The following PHF2 variants were observed in gnomAD, a reference collection of about 807,000 sequenced individuals.
The protein encoded by PHF2 is lysine-specific demethylase PHF2.
A neutral mutation model predicts 120.5 loss-of-function variants in PHF2; 27 were observed. The observed-to-expected ratio is 0.22, with a 90% CI of 0.17 to 0.31. The LOEUF is 0.31. Among genes scored for constraint, PHF2 ranks in the 10% least tolerant of loss-of-function variants. PHF2 has a pLI of 1.00. For missense variants in PHF2, 1,024 were observed against 1,434.8 expected (o/e 0.71, Z 4.63); for synonymous variants, 568 against 592.5 (o/e 0.96, Z 0.60).
At chr9:93,638,552 A>G (rs1015801984) in intron 3 of PHF2, among the ~76,000 whole-genome samples, 10 of 152,212 alleles carry the variant, frequency 6.6e-5, no homozygotes, top group African/African-American at 2.2e-4. Context: ...GCTAGTAAAC[A>G]GTCTTGGCAC....
intron 1 of PHF2, among the ~76,000 whole-genome samples, chr9:93,624,028 C>A (rs1454333941): frequency 4.6e-5 from 7 of 152,210 alleles, no homozygotes; most frequent in Admixed American, 2.6e-4. Context: ...TGTAAATGCC[C>A]CAAGGGCAAG....
At chr9:93,659,420 C>A in intron 10 of PHF2, 91 bp from the exon 11 acceptor site, 1 of 1,027,830 alleles carries the variant, frequency 9.7e-7, no homozygotes, top group Non-Finnish European at 1.5e-6. Context: ...CTGAGTGGCT[C>A]GGCAGTCAGG....
intron 1 of PHF2, among the ~76,000 whole-genome samples, chr9:93,579,224 C>G (rs947326873): frequency 3.3e-5 from 5 of 152,158 alleles, no homozygotes; most frequent in Admixed American, 1.3e-4. Flanking sequence ...TGTATGGCCC[C>G]GGTGGTTCTT....
intron 17 of PHF2, among the ~76,000 whole-genome samples, chr9:93,671,417 T>A (rs1361112126): frequency 1.9e-5 from 2 of 103,286 alleles, no homozygotes; most frequent in Non-Finnish European, 3.9e-5. Context: ...GGTGTGGATG[T>A]AGGTACAGGT....
chr9:93,587,703 T>A (rs1403905749), intron 1 of PHF2, among the ~76,000 whole-genome samples: 1 of 152,106 alleles, frequency 6.6e-6, no homozygotes, highest in Admixed American at 6.5e-5. Context: ...GCTCCCCCAG[T>A]GCCAGTTGGA....
At chr9:93,646,727 C>T (rs1391790590) in intron 4 of PHF2, among the ~76,000 whole-genome samples, 4 of 152,154 alleles carry the variant, frequency 2.6e-5, no homozygotes, top group African/African-American at 9.7e-5. Flanking sequence ...GGGGCTGGGG[C>T]CACAGCTTTT....
At chr9:93,596,815 A>G (rs1825341717) in intron 1 of PHF2, among the ~76,000 whole-genome samples, 2 of 151,434 alleles carry the variant, frequency 1.3e-5, no homozygotes, top group African/African-American at 2.4e-5. Flanking sequence ...CTGGAGTGCA[A>G]TGGTGCAATC....
intron 7 of PHF2, among the ~76,000 whole-genome samples, chr9:93,654,992 C>T (rs996769029): frequency 9.2e-5 from 14 of 152,284 alleles, no homozygotes; most frequent in African/African-American, 3.1e-4. Context: ...GGGAGGAGGG[C>T]GCTAGCTGCT....
chr9:93,674,153 G>A lies in PHF2; in HGVS notation c.2626+291G>A, dbSNP rs188335798. Among the ~76,000 whole-genome samples the A allele has an allele frequency of 6.8e-4, 104 of 152,230 alleles. No homozygotes were observed. In the East Asian group the frequency reaches 7.4e-3, roughly 11 times the overall value. On this transcript the variant is annotated intron_variant, in intron 18 of 21. Coordinates refer to ENST00000359246, the MANE Select transcript of PHF2 (RefSeq NM_005392.4). ...CTGGGCTCTGGAGGTGTGTGGCACC[G>A]GGCGCCATCTTGCTTCCTCCTGAAC...
chr9:93,660,609 A>G (rs909087858), intron 12 of PHF2, 49 bp downstream of exon 12: 1 of 1,489,062 alleles, frequency 6.7e-7, no homozygotes, highest in South Asian at 1.4e-5. Flanking sequence ...GAGGTGCTGC[A>G]GCATCTCTTG....
At chr9:93,633,910 G>A (rs1218080461) in intron 2 of PHF2, among the ~76,000 whole-genome samples, 1 of 152,118 alleles carries the variant, frequency 6.6e-6, no homozygotes, top group African/African-American at 2.4e-5. Context: ...TCCTCAGCCA[G>A]CCCTGAGGCC....
intron 1 of PHF2, among the ~76,000 whole-genome samples, chr9:93,603,119 G>A (rs1385186787): frequency 1.3e-5 from 2 of 152,200 alleles, no homozygotes; most frequent in East Asian, 1.9e-4. Flanking sequence ...GGATGATCAC[G>A]TTCATGCCAT....
chr9:93,583,727 A>G (rs567840406), intron 1 of PHF2, among the ~76,000 whole-genome samples: 1 of 152,198 alleles, frequency 6.6e-6, no homozygotes, highest in African/African-American at 2.4e-5. Flanking sequence ...TGTCTACTCA[A>G]GGCCTTTGCC....
At chr9:93,667,269 G>C (rs749782485) in intron 17 of PHF2, 29 bp downstream of exon 17, 10 of 1,597,296 alleles carry the variant, frequency 6.3e-6, no homozygotes, top group South Asian at 1.1e-5. Flanking sequence ...CAGCACCCAA[G>C]AGCGGGGACC....
In PHF2 at chr9:93,676,736, C is replaced by A; in HGVS notation, c.2975C>A (p.Thr992Asn). ...TPASTTPAST[T>N]PASTSTASSQ... ...GCCTCTACCACCCCGGCCTCCACCA[C>A]CCCGGCCTCCACCAGCACGGCCAGC... The change falls in exon 21 of 22, where the codon ACC becomes AAC. Residue 992 changes from threonine to asparagine, a missense_variant. By Grantham distance (65) the Thr-to-Asn change is moderately conservative (BLOSUM62 0). Around this residue, in one of 2 missense-constraint regions of PHF2, gnomAD observed 677 missense variants for 857.4 expected, o/e 0.79. Coordinates refer to ENST00000359246, the MANE Select transcript of PHF2 (RefSeq NM_005392.4). 6.4e-7 allele frequency: 1 copy of A among 1,556,930 alleles called. No homozygotes were observed.
At chr9:93,606,841 A>G (rs1488910271) in intron 1 of PHF2, among the ~76,000 whole-genome samples, 1 of 152,084 alleles carries the variant, frequency 6.6e-6, no homozygotes, top group Non-Finnish European at 1.5e-5. Flanking sequence ...TTTTACATTT[A>G]GGTCTATGAT....
intron 2 of PHF2, among the ~76,000 whole-genome samples, chr9:93,633,049 G>T (rs1160269386): frequency 6.6e-6 from 1 of 152,198 alleles, no homozygotes; most frequent in Non-Finnish European, 1.5e-5. Flanking sequence ...CTAAGCCAGT[G>T]CTGGGAACCT....
intron 1 of PHF2, among the ~76,000 whole-genome samples, chr9:93,586,418 A>T (rs1863045140): frequency 1.3e-5 from 2 of 152,240 alleles, no homozygotes; most frequent in Admixed American, 6.5e-5. Context: ...GCACTTCTGG[A>T]TGCCACCCTG....
intron 4 of PHF2, among the ~76,000 whole-genome samples, chr9:93,646,070 C>G (rs796747571): frequency 3.9e-5 from 6 of 152,318 alleles, no homozygotes; most frequent in African/African-American, 1.4e-4. Context: ...CTATGAATTG[C>G]ATTACTGTGG....
Sources: allele counts gnomAD v4.1 joint callset (sites outside exome capture counted in the v4.1 genomes callset), GRCh38; gene constraint gnomAD v4.1.1; regional missense constraint gnomAD v4.1.1; transcripts MANE v1.5; gene names NCBI Gene and HGNC (gene_info 2026-07-23, HGNC 2026-07-21).